The following TMEM132B variants were observed in gnomAD, a reference collection of about 807,000 sequenced individuals.
TMEM132B encodes transmembrane protein 132B.
Under a neutral mutation model 90.8 loss-of-function variants are expected in TMEM132B, and 18 were observed. That is an observed-to-expected ratio of 0.20 (90% CI 0.14 to 0.29). The LOEUF (loss-of-function observed/expected upper bound fraction) is 0.29, where lower values mean the gene tolerates loss of function less well. Among genes scored for constraint, TMEM132B ranks in the 10% least tolerant of loss-of-function variants. TMEM132B has a pLI of 1.00. For missense variants in TMEM132B, 1,096 were observed against 1,326.8 expected, an observed-to-expected ratio of 0.83 and a Z score of 2.70; for synonymous variants, 504 against 523.3, an observed-to-expected ratio of 0.96 and a Z score of 0.50.
chr12:125,347,455 G>A (rs565584778), intron 1 of TMEM132B, among the ~76,000 whole-genome samples: 71 of 152,230 alleles, frequency 4.7e-4, no homozygotes, highest in African/African-American at 1.7e-3. Context: ...TCACAATCTA[G>A]TTACGATTTT....
intron 5 of TMEM132B, among the ~76,000 whole-genome samples, chr12:125,617,839 T>A (rs2136961953): frequency 6.6e-6 from 1 of 152,266 alleles, no homozygotes; most frequent in Non-Finnish European, 1.5e-5. Context: ...TCTCTGAGGT[T>A]TGTCCAGACC....
At chr12:125,616,186 G>A (rs1297225849) in intron 5 of TMEM132B, among the ~76,000 whole-genome samples, 1 of 149,260 alleles carries the variant, frequency 6.7e-6, no homozygotes, top group Non-Finnish European at 1.5e-5. Flanking sequence ...AGAACATGCG[G>A]TGTTTGGTTT....
intron 1 of TMEM132B, among the ~76,000 whole-genome samples, chr12:125,245,887 C>T (rs943879139): frequency 1.6e-4 from 24 of 152,336 alleles, no homozygotes; most frequent in African/African-American, 5.8e-4. Flanking sequence ...CTCCAGGGTC[C>T]AGGCTCTGAA....
At chr12:125,426,883 T>C (rs1352027181) in intron 3 of TMEM132B, among the ~76,000 whole-genome samples, 1 of 152,122 alleles carries the variant, frequency 6.6e-6, no homozygotes, top group East Asian at 1.9e-4. Context: ...CCCATAGTCA[T>C]AGGACAAGAG....
intron 1 of TMEM132B, among the ~76,000 whole-genome samples, chr12:125,230,814 T>A (rs11837005): frequency 0.037 from 5,655 of 152,190 alleles, 129 homozygotes; most frequent in Non-Finnish European, 0.049. Context: ...TTATCAAGTC[T>A]TCCAGGTGAT....
In TMEM132B at chr12:125,537,048, T is replaced by G. The variant is rs539346165; in HGVS notation, c.1293+17423T>G. 5.3e-5 allele frequency among the ~76,000 whole-genome samples: 8 copies of G among 152,264 alleles called. No homozygotes were observed. In the East Asian group the frequency reaches 1.5e-3, roughly 29 times the overall value. On this transcript the variant is annotated intron_variant, in intron 4 of 8. Transcript: ENST00000682704. ...ATGGAAACATTGTTGATTATCTAAT[T>G]AATGGGATATATGTCCAGCTGTCCC...
chr12:125,651,075 A>G (rs756809677), intron 7 of TMEM132B, 122 bp downstream of exon 7: 100 of 1,322,190 alleles, frequency 7.6e-5, no homozygotes, highest in Non-Finnish European at 9.9e-5. Flanking sequence ...AACGTGTGTC[A>G]CTGTGCATGT....
intron 3 of TMEM132B, among the ~76,000 whole-genome samples, chr12:125,515,165 C>G (rs1055798424): frequency 2.0e-5 from 3 of 151,962 alleles, no homozygotes; most frequent in Non-Finnish European, 4.4e-5. Flanking sequence ...TTCGCACATT[C>G]TCTCCCACAC....
At chr12:125,299,209 C>G (rs1184823211) in intron 1 of TMEM132B, among the ~76,000 whole-genome samples, 3 of 152,174 alleles carry the variant, frequency 2.0e-5, no homozygotes, top group East Asian at 3.8e-4. Flanking sequence ...GGCTGTACCC[C>G]CCACTGTACT....
At chr12:125,330,282 C>T (rs1329648600) in intron 1 of TMEM132B, among the ~76,000 whole-genome samples, 1 of 151,120 alleles carries the variant, frequency 6.6e-6, no homozygotes, top group Non-Finnish European at 1.5e-5. Context: ...GTGTGACTTG[C>T]AAACAAAGAA....
rs1036672244 is a variant in TMEM132B at position 125,209,441 on chromosome 12, T to G, written c.67+22575T>G. 6.6e-6 allele frequency among the ~76,000 whole-genome samples: 1 copy of G among 152,136 alleles called. No homozygotes were observed. The highest frequency in any genetic ancestry group is 2.1e-4 in the South Asian group (1 of 4,818). Reference sequence around the variant, plus strand: ...GACAGTGCTCGACTGGGGGAAGGGGTTTGGCCCCCTTTCTGTCCTGGTCAC... The same window carrying G: ...GACAGTGCTCGACTGGGGGAAGGGGGTTGGCCCCCTTTCTGTCCTGGTCAC... On this transcript the variant is annotated intron_variant, in intron 1 of 8. Transcript: ENST00000682704. This position sits in a 1 kb window ranked among gnomAD's most constrained non-coding sequence, Gnocchi z 4.4.
At chr12:125,468,416 G>T (rs942460866) in intron 3 of TMEM132B, among the ~76,000 whole-genome samples, 4 of 152,228 alleles carry the variant, frequency 2.6e-5, no homozygotes, top group African/African-American at 9.7e-5. Flanking sequence ...TTGACGTGTG[G>T]TAATGGTAAG....
At chr12:125,380,184 G>A (rs1313512353) in intron 2 of TMEM132B, among the ~76,000 whole-genome samples, 1 of 152,154 alleles carries the variant, frequency 6.6e-6, no homozygotes, top group African/African-American at 2.4e-5. Context: ...GAGGTTCTGA[G>A]GGAGAATATG....
At chr12:125,589,227 A>T (rs1593008406) in intron 5 of TMEM132B, among the ~76,000 whole-genome samples, 1 of 152,136 alleles carries the variant, frequency 6.6e-6, no homozygotes. Context: ...TCACGCCTGT[A>T]ATCCCAGCAC....
At chr12:125,559,339 T>C (rs1338054042) in intron 4 of TMEM132B, among the ~76,000 whole-genome samples, 1 of 152,210 alleles carries the variant, frequency 6.6e-6, no homozygotes, top group African/African-American at 2.4e-5. Flanking sequence ...CACTCCAGCC[T>C]GGGTGACAGA....
chr12:125,339,168 A>G (rs1436627055), intron 1 of TMEM132B, among the ~76,000 whole-genome samples: 1 of 152,190 alleles, frequency 6.6e-6, no homozygotes, highest in East Asian at 1.9e-4. Context: ...ATAAAGAACA[A>G]TAATGCCTCT....
At chr12:125,571,168 A>G (rs564975185) in intron 4 of TMEM132B, among the ~76,000 whole-genome samples, 3 of 152,354 alleles carry the variant, frequency 2.0e-5, no homozygotes, top group African/African-American at 7.2e-5. Flanking sequence ...CCAGCGCAGC[A>G]GCCGGGATCG....
intron 1 of TMEM132B, among the ~76,000 whole-genome samples, chr12:125,205,197 G>A (rs534559465): frequency 6.6e-6 from 1 of 151,828 alleles, no homozygotes; most frequent in Admixed American, 6.6e-5. Context: ...AGCCCTTTGT[G>A]TGGAGTATCT....
chr12:125,661,535 T>A lies in TMEM132B; in HGVS notation c.*6825T>A, dbSNP rs1887205703. On this transcript the variant is annotated 3_prime_UTR_variant, in exon 9 of 9. Transcript: ENST00000682704. The stretch of plus-strand genomic sequence containing the variant: ...ACATGCCCAAAGATGAACTGGCCCA[T>A]GGAGGGACTTGATTGCCAAGTGACT... The A allele has an allele frequency of 6.6e-6, 1 of 152,204 alleles. No homozygotes were observed. The highest frequency in any genetic ancestry group is 6.5e-5 in the Admixed American group (1 of 15,284). 9.4% of individuals were successfully genotyped at this position (152,204 alleles called of 1,614,324 possible). A position where few individuals can be genotyped will look rare whatever the true frequency, so the allele number is the denominator to read the frequency against.
Sources: allele counts gnomAD v4.1 joint callset (sites outside exome capture counted in the v4.1 genomes callset), GRCh38; gene constraint gnomAD v4.1.1; non-coding constraint Gnocchi (gnomAD v3.1); transcripts MANE v1.5; gene names NCBI Gene and HGNC (gene_info 2026-07-23, HGNC 2026-07-21).